Variants in MAGI2 observed in about 807,000 individuals in gnomAD.
MAGI2 encodes the protein membrane-associated guanylate kinase, WW and PDZ domain-containing protein 2.
A neutral mutation model predicts 133.3 loss-of-function variants in MAGI2; 35 were observed. The observed-to-expected ratio is 0.26, with a 90% CI of 0.20 to 0.35. The LOEUF is 0.35. MAGI2 is among the 10% of genes least tolerant of loss of function. MAGI2 has a pLI of 1.00. For missense variants in MAGI2, 1,636 were observed against 1,863.4 expected, an observed-to-expected ratio of 0.88 and a Z score of 2.25; for synonymous variants, 729 against 710.6, an observed-to-expected ratio of 1.03 and a Z score of -0.41.
chr7:79,111,097 C>G (rs1274909536), intron 1 of MAGI2, among the ~76,000 whole-genome samples: 1 of 152,102 alleles, frequency 6.6e-6, no homozygotes, highest in African/African-American at 2.4e-5. Flanking sequence ...ACCTAATTGT[C>G]AATACCATGT....
intron 1 of MAGI2, among the ~76,000 whole-genome samples, chr7:79,243,140 A>T (rs1333243754): frequency 6.6e-6 from 1 of 152,144 alleles, no homozygotes; most frequent in Non-Finnish European, 1.5e-5. Flanking sequence ...AACAACAAAA[A>T]AAGAAAAGAC....
At chr7:78,645,669 G>A (rs932475558) in intron 2 of MAGI2, among the ~76,000 whole-genome samples, 1 of 146,324 alleles carries the variant, frequency 6.8e-6, no homozygotes, top group Non-Finnish European at 1.5e-5. Context: ...GTGTGTGTGT[G>A]TATACCATTT....
At chr7:78,665,720 A>G (rs1303285953) in intron 2 of MAGI2, among the ~76,000 whole-genome samples, 1 of 152,160 alleles carries the variant, frequency 6.6e-6, no homozygotes, top group Non-Finnish European at 1.5e-5. Flanking sequence ...AAGAAACCAT[A>G]TATCTAGGAT....
At chr7:78,443,903 T>C (rs976519777) in intron 6 of MAGI2, among the ~76,000 whole-genome samples, 11 of 151,980 alleles carry the variant, frequency 7.2e-5, no homozygotes, top group African/African-American at 2.7e-4. Context: ...TAGGAAGTAA[T>C]ATATATATAG....
At chr7:78,317,356 T>C (rs1166746764) in intron 9 of MAGI2, among the ~76,000 whole-genome samples, 1 of 152,174 alleles carries the variant, frequency 6.6e-6, no homozygotes, top group Admixed American at 6.5e-5. Context: ...ATACCAACAG[T>C]GTACTGTTTC....
intron 1 of MAGI2, among the ~76,000 whole-genome samples, chr7:79,027,853 T>A (rs547773782): frequency 3.3e-5 from 5 of 152,184 alleles, no homozygotes; most frequent in East Asian, 3.9e-4. Flanking sequence ...CCAAGAATAA[T>A]TTTCAAAATC....
intron 4 of MAGI2, among the ~76,000 whole-genome samples, chr7:78,503,781 G>T (rs898843924): frequency 6.7e-6 from 1 of 149,720 alleles, no homozygotes; most frequent in Non-Finnish European, 1.5e-5. Context: ...ATGAATAAGT[G>T]AAAATAAGGT....
intron 9 of MAGI2, among the ~76,000 whole-genome samples, chr7:78,291,119 T>C (rs1796663007): frequency 6.6e-6 from 1 of 152,086 alleles, no homozygotes; most frequent in Non-Finnish European, 1.5e-5. Flanking sequence ...CAAAAAACCC[T>C]TCAAAAGATC....
At chr7:78,474,911 CACTT>C (rs1266307432) in intron 6 of MAGI2, among the ~76,000 whole-genome samples, 1 of 151,610 alleles carries the variant, frequency 6.6e-6, no homozygotes, top group East Asian at 1.9e-4. Context: ...GCTAAAAACT[CACTT>C]AAACTATTGG....
intron 2 of MAGI2, among the ~76,000 whole-genome samples, chr7:78,829,550 T>C (rs1790957445): frequency 6.6e-6 from 1 of 152,072 alleles, no homozygotes; most frequent in Non-Finnish European, 1.5e-5. Flanking sequence ...GTATACTAAA[T>C]GATTTTAACA....
Position 78,569,654 on chromosome 7 carries a change from A to G in MAGI2, c.539-48009T>C, listed in dbSNP as rs138443498. On this transcript the variant is annotated intron_variant, in intron 3 of 21. Transcript: ENST00000354212. ...AAAAAAATAAAATTTAAAACTTTTT[A>G]CTTATTCAAACGATTATTTTTGTGC... Among the ~76,000 whole-genome samples the G allele has an allele frequency of 5.5e-4, 84 of 152,330 alleles. No individual in the cohort carries two copies. The East Asian group carries it at 0.015, about 28-fold the overall frequency.
chr7:78,183,900 C>A (rs1227886084), intron 13 of MAGI2, among the ~76,000 whole-genome samples: 1 of 152,206 alleles, frequency 6.6e-6, no homozygotes, highest in Non-Finnish European at 1.5e-5. Flanking sequence ...TCATGATTTT[C>A]CAGAATATTC....
intron 1 of MAGI2, among the ~76,000 whole-genome samples, chr7:79,064,911 T>C (rs1814149585): frequency 6.6e-6 from 1 of 152,106 alleles, no homozygotes; most frequent in Admixed American, 6.6e-5. Context: ...CCCACTTTGG[T>C]CAGGAATGTG....
intron 1 of MAGI2, among the ~76,000 whole-genome samples, chr7:79,387,017 T>C (rs1563176094): frequency 6.6e-6 from 1 of 151,920 alleles, no homozygotes; most frequent in Admixed American, 6.6e-5. Context: ...ACACACGTTA[T>C]ATATAAATAG....
At chr7:78,619,273 AATTAAAC>A (rs1291274744) in intron 3 of MAGI2, among the ~76,000 whole-genome samples, 1 of 151,864 alleles carries the variant, frequency 6.6e-6, no homozygotes, top group Admixed American at 6.6e-5. Context: ...AAGAAAAATG[AATTAAAC>A]TGTGAACATC....
chr7:78,364,288 T>G (rs193069458), intron 7 of MAGI2, among the ~76,000 whole-genome samples: 1 of 152,264 alleles, frequency 6.6e-6, no homozygotes, highest in East Asian at 1.9e-4. Context: ...GTTAGGAACT[T>G]TTTTTCCTAG....
intron 1 of MAGI2, among the ~76,000 whole-genome samples, chr7:79,071,325 G>A (rs771278604): frequency 5.3e-5 from 8 of 151,994 alleles, no homozygotes; most frequent in South Asian, 2.1e-4. Context: ...TGGAAGCTTC[G>A]TCCTAGAGGG....
Position 78,178,108 on chromosome 7 carries a change from A to G in MAGI2, c.2312-6T>C, listed in dbSNP as rs1391241653. 11 of 1,581,334 alleles carry G rather than the reference A, an allele frequency of 7.0e-6. No individual in the cohort carries two copies. The highest frequency in any genetic ancestry group is 1.1e-5 in the South Asian group (1 of 90,370). ...CAATTCCTTATAATCTGGACCTGGC[A>G]TAAAGGAGATCCCATTGAGTAATGA... On this transcript the variant is annotated splice_polypyrimidine_tract_variant and splice_region_variant and intron_variant, in intron 13 of 21. Coordinates refer to ENST00000354212, the MANE Select transcript of MAGI2 (RefSeq NM_012301.4).
chr7:78,824,904 A>G (rs1301970582), intron 2 of MAGI2, among the ~76,000 whole-genome samples: 1 of 152,210 alleles, frequency 6.6e-6, no homozygotes, highest in Non-Finnish European at 1.5e-5. Flanking sequence ...GAATGAGATC[A>G]TGTCCTTTGA....
Sources: allele counts gnomAD v4.1 joint callset (sites outside exome capture counted in the v4.1 genomes callset), GRCh38; gene constraint gnomAD v4.1.1; transcripts MANE v1.5; gene names NCBI Gene and HGNC (gene_info 2026-07-23, HGNC 2026-07-21).